UNC80: variants seen among roughly 807,000 people sequenced by gnomAD.
The protein encoded by UNC80 is unc-80 subunit of NALCN channel complex.
In UNC80, 164 loss-of-function variants were observed where a neutral mutation model predicts 384.6. The observed-to-expected ratio is 0.43, with a 90% CI of 0.38 to 0.49. The LOEUF (loss-of-function observed/expected upper bound fraction) is 0.49. Among genes scored for constraint, UNC80 ranks in the 20% least tolerant of loss-of-function variants. The pLI, the probability that UNC80 is intolerant of heterozygous loss-of-function variation, is 0.00. For synonymous variants in UNC80, 1,486 were observed against 1,527.8 expected (o/e 0.97, Z 0.64); for missense variants, 3,330 against 4,143.0 (o/e 0.80, Z 5.39).
Position 209,959,661 on chromosome 2 carries a change from C to A in UNC80, c.7759C>A (p.Pro2587Thr). 6.4e-7 allele frequency: 1 copy of A among 1,551,642 alleles called. No individual in the cohort carries two copies. Among genetic ancestry groups the A allele is most frequent in the South Asian group, 1.2e-5 (1 of 84,058 alleles). Residue 2587 changes from proline (P) to threonine (T), a missense_variant, in exon 51 of 65, where the codon CCT (proline) becomes ACT (threonine). Coordinates refer to ENST00000673920, the MANE Select transcript of UNC80 (RefSeq NM_001371986.1). ...GATCTTGCAAAATCTGGCTGGGGAG[C>A]CTCGGGTCATTGCCTTGGAACTGCT... Reference protein sequence around the residue: ...LKILQNLAGEPRVIALELLDV... With the variant: ...LKILQNLAGETRVIALELLDV...
In UNC80 at chr2:209,997,804, C is replaced by T. The variant is rs1425946382; in HGVS notation, c.*2209C>T. On this transcript the variant is annotated 3_prime_UTR_variant, in exon 65 of 65. Transcript: ENST00000673920. ...ATTTTGCAGATGTGTGCATCTGTTC[C>T]ATTTAAGGTGCCCTTAAATGTGTTG... 1 of 152,058 alleles carries T rather than the reference C, an allele frequency of 6.6e-6. No individual in the cohort carries two copies. Among genetic ancestry groups the T allele is most frequent in the Non-Finnish European group, 1.5e-5 (1 of 68,008 alleles). 9.4% of individuals were successfully genotyped at this position (152,058 alleles called of 1,614,324 possible).
intron 18 of UNC80, 26 bp downstream of exon 18, chr2:209,835,036 G>C: frequency 6.6e-7 from 1 of 1,511,490 alleles, no homozygotes; most frequent in Non-Finnish European, 9.0e-7. Context: ...TTTGTCTCCA[G>C]TGCAGACGGC....
At chr2:209,785,569 A>G (rs547469451) in intron 4 of UNC80, among the ~76,000 whole-genome samples, 2 of 152,320 alleles carry the variant, frequency 1.3e-5, no homozygotes, top group East Asian at 1.9e-4. Context: ...AAAATAATAC[A>G]CTATGAAGGG....
intron 28 of UNC80, among the ~76,000 whole-genome samples, chr2:209,900,575 G>A (rs1287213429): frequency 4.6e-5 from 7 of 152,130 alleles, no homozygotes; most frequent in African/African-American, 1.7e-4. Context: ...AAATTAGGCT[G>A]ATTAATAACC....
intron 27 of UNC80, 133 bp from the exon 28 acceptor site, chr2:209,896,180 A>G (rs765964122): frequency 3.4e-5 from 25 of 741,882 alleles, no homozygotes; most frequent in Middle Eastern, 3.8e-4. Context: ...AACAAAGTCA[A>G]TGCTATGCCC....
rs1355054496 is a variant in UNC80, at chr2:209,976,165, G to A, written c.8634G>A (p.Gln2878=). 4 of 1,551,732 alleles carry A rather than the reference G, an allele frequency of 2.6e-6. No homozygotes were observed. Among genetic ancestry groups the A allele is most frequent in the South Asian group, 1.2e-5 (1 of 84,060 alleles). ...GCTTTGAGAGGCAGCTCGGAAGCCA[G>A]TGGTACTGGCTGAGCCTCCAGGTGA... is the stretch of plus-strand genomic sequence containing the variant. ...LVCFERQLGS[Q]WYWLSLQVKE... is the part of the protein sequence containing the mutation. The change falls in exon 57 of 65, where the codon CAG becomes CAA. Residue 2878 remains glutamine (Q), a synonymous_variant. Transcript: ENST00000673920. The surrounding 1 kb of genome is among the most constrained non-coding windows in gnomAD (Gnocchi z 4.3).
intron 22 of UNC80, among the ~76,000 whole-genome samples, chr2:209,868,271 A>G (rs1162278779): frequency 6.6e-6 from 1 of 152,250 alleles, no homozygotes; most frequent in South Asian, 2.1e-4. Context: ...TGCACCAGCA[A>G]CAGCTTTATA....
rs1395472134 is a variant in UNC80 at position 209,839,980 on chromosome 2, A to C, written c.3250+550A>C. On this transcript the variant is annotated intron_variant, in intron 19 of 64. Transcript: ENST00000673920. The surrounding 1 kb of genome is among the most constrained non-coding windows in gnomAD (Gnocchi z 4.1). Reference sequence around the variant, plus strand: ...AGTGAAGGAACTGAAACAAGGGGACAAGTGGCGGTATGACTATAGTAGAAT... The same window carrying C: ...AGTGAAGGAACTGAAACAAGGGGACCAGTGGCGGTATGACTATAGTAGAAT... 1.3e-5 allele frequency among the ~76,000 whole-genome samples: 2 copies of C among 152,174 alleles called. No homozygotes were observed. The highest frequency in any genetic ancestry group is 4.8e-5 in the African/African-American group (2 of 41,444).
intron 20 of UNC80, among the ~76,000 whole-genome samples, chr2:209,841,726 A>G (rs2081769649): frequency 6.6e-6 from 1 of 152,216 alleles, no homozygotes; most frequent in South Asian, 2.1e-4. Context: ...AGACTATAGC[A>G]TATTTAGAAA....
At chr2:209,896,498 C>T in intron 28 of UNC80, 85 bp downstream of exon 28, 1 of 1,116,568 alleles carries the variant, frequency 9.0e-7, no homozygotes, top group Non-Finnish European at 1.3e-6. Context: ...AGAGATTATA[C>T]TAAATCATCA....
At chr2:209,855,347 A>AG (rs2082828982) in intron 22 of UNC80, among the ~76,000 whole-genome samples, 1 of 152,102 alleles carries the variant, frequency 6.6e-6, no homozygotes, top group Non-Finnish European at 1.5e-5. Context: ...CAAATAGCTA[A>AG]TGCATGCTGG....
intron 35 of UNC80, among the ~76,000 whole-genome samples, chr2:209,924,013 G>T (rs2090243682): frequency 6.6e-6 from 1 of 151,832 alleles, no homozygotes; most frequent in South Asian, 2.1e-4. Context: ...AACTTTATAA[G>T]ATAATATGTT....
At chr2:209,939,145 C>T (rs2091453380) in intron 42 of UNC80, among the ~76,000 whole-genome samples, 1 of 152,098 alleles carries the variant, frequency 6.6e-6, no homozygotes, top group Admixed American at 6.6e-5. Flanking sequence ...TGAAGGTCTT[C>T]CATATTATAG....
intron 4 of UNC80, among the ~76,000 whole-genome samples, chr2:209,784,422 C>T (rs1358889943): frequency 6.6e-6 from 1 of 152,134 alleles, no homozygotes; most frequent in African/African-American, 2.4e-5. Flanking sequence ...TATTATTTGA[C>T]ACTCAATGAC....
At chr2:209,821,911 C>T (rs1260085262) in intron 13 of UNC80, among the ~76,000 whole-genome samples, 1 of 151,988 alleles carries the variant, frequency 6.6e-6, no homozygotes, top group African/African-American at 2.4e-5. Flanking sequence ...AGATATATAC[C>T]ATCTAGATAT....
At position 209,984,872 on chromosome 2, in the gene UNC80, G is replaced by C. The variant is rs1467565446; in HGVS notation, c.9274G>C (p.Asp3092His). The change falls in exon 61 of 65, where the codon GAT becomes CAT. Residue 3092 changes from aspartate (D) to histidine (H), a missense_variant. Physicochemically the swap from Asp to His is moderately conservative, Grantham distance 81. This residue lies in a region of UNC80 where 216 missense variants were observed against 245.3 expected (regional missense o/e 0.88). Coordinates refer to ENST00000673920, the MANE Select transcript of UNC80 (RefSeq NM_001371986.1). ...LPSQSEPNVL[D>H]DSQGLAAEGS... ...CTCCTGCAGTGAACCTAATGTCCTC[G>C]ATGACTCCCAGGGCCTGGCCGCCGA... The C allele has an allele frequency of 1.3e-6, 2 of 1,547,930 alleles. No homozygotes were observed. Among genetic ancestry groups the C allele is most frequent in the Non-Finnish European group, 1.7e-6 (2 of 1,146,078 alleles).
chr2:209,808,011 G>C (rs1466152886), intron 7 of UNC80, among the ~76,000 whole-genome samples: 1 of 152,146 alleles, frequency 6.6e-6, no homozygotes, highest in East Asian at 1.9e-4. Flanking sequence ...GATTACATAA[G>C]ATACGGATAT....
At chr2:209,969,928 C>T in intron 53 of UNC80, 37 bp downstream of exon 53, 2 of 1,548,268 alleles carry the variant, frequency 1.3e-6, no homozygotes, top group Non-Finnish European at 1.7e-6. Flanking sequence ...AAACTTTGCA[C>T]AATGTAACTC....
chr2:209,776,473 C>T (rs1245278504), intron 3 of UNC80, among the ~76,000 whole-genome samples: 3 of 152,124 alleles, frequency 2.0e-5, no homozygotes, highest in Admixed American at 6.5e-5. Flanking sequence ...CCCAGCTACT[C>T]GAGAGGCTGA....
Sources: allele counts gnomAD v4.1 joint callset (sites outside exome capture counted in the v4.1 genomes callset), GRCh38; gene constraint gnomAD v4.1.1; regional missense constraint gnomAD v4.1.1; non-coding constraint Gnocchi (gnomAD v3.1); transcripts MANE v1.5; gene names NCBI Gene and HGNC (gene_info 2026-07-23, HGNC 2026-07-21).